The following SVIL variants were observed in gnomAD, a reference collection of about 807,000 sequenced individuals.
The protein encoded by SVIL is archvillin.
A neutral mutation model predicts 240.4 loss-of-function variants in SVIL; 101 were observed. The ratio of observed to expected loss-of-function variants is 0.42; its 90% CI spans 0.36 to 0.50. The LOEUF is 0.50. SVIL is among the 20% of genes least tolerant of loss of function. The pLI, the probability that SVIL is intolerant of heterozygous loss-of-function variation, is 0.01. For synonymous variants in SVIL, 999 were observed against 1,100.0 expected (o/e 0.91, Z 1.82); for missense variants, 2,512 against 2,818.7 (o/e 0.89, Z 2.46).
chr10:29,689,181 TA>T (rs1334653893), intron 1 of SVIL, among the ~76,000 whole-genome samples: 1 of 152,166 alleles, frequency 6.6e-6, no homozygotes, highest in Non-Finnish European at 1.5e-5. Context: ...CACAGATAAG[TA>T]AATTTATGCC....
At chr10:29,709,976 G>A (rs372026149) in intron 1 of SVIL, among the ~76,000 whole-genome samples, 36 of 152,246 alleles carry the variant, frequency 2.4e-4, no homozygotes, top group Admixed American at 1.4e-3. Context: ...TTGGGGGTGC[G>A]CGAGAGGCAG....
intron 1 of SVIL, among the ~76,000 whole-genome samples, chr10:29,579,510 T>C (rs2132758243): frequency 6.6e-6 from 1 of 152,312 alleles, no homozygotes; most frequent in East Asian, 1.9e-4. Context: ...GCAGTCCAAC[T>C]ATTGACAATG....
intron 1 of SVIL, among the ~76,000 whole-genome samples, chr10:29,588,439 C>T (rs1402676373): frequency 6.6e-6 from 1 of 152,072 alleles, no homozygotes; most frequent in African/African-American, 2.4e-5. Flanking sequence ...CAGCAGTGAA[C>T]ATACAGCACC....
intron 1 of SVIL, among the ~76,000 whole-genome samples, chr10:29,609,647 C>A (rs1957163680): frequency 2.6e-5 from 4 of 152,216 alleles, no homozygotes; most frequent in African/African-American, 4.8e-5. Flanking sequence ...CGGGCACCAC[C>A]ACATTCCCCT....
Position 29,532,032 on chromosome 10 carries a change from A to G in SVIL, c.1979T>C (p.Ile660Thr). Residue 660 changes from isoleucine to threonine, a missense_variant, in exon 9 of 38, where the codon ATA becomes ACA. By Grantham distance (89) the Ile-to-Thr change is moderately conservative. Transcript: ENST00000355867. ...KTSERFRTQP[I>T]TSAERKESDR... ...CGATTCCTTTCGTTCTGCTGAAGTT[A>G]TAGGTTGGGTTCTAAATCTCTCGGA... The G allele has an allele frequency of 2.5e-6, 4 of 1,614,154 alleles. No individual in the cohort carries two copies. The highest frequency in any genetic ancestry group is 3.4e-6 in the Non-Finnish European group (4 of 1,180,022).
At position 29,634,892 on chromosome 10, in the gene SVIL, C is replaced by T. The variant is rs1485034949; in HGVS notation, c.-673G>A. The T allele has an allele frequency of 2.0e-5, 3 of 152,144 alleles. No individual in the cohort carries two copies. The highest frequency in any genetic ancestry group is 7.2e-5 in the African/African-American group (3 of 41,418). 9.4% of individuals were successfully genotyped at this position (152,144 alleles called of 1,614,324 possible). On this transcript the variant is annotated 5_prime_UTR_variant, in exon 1 of 38. Transcript: ENST00000355867. The stretch of plus-strand genomic sequence containing the variant: ...AGGCTGAACTTCCCCAACCTGGCCT[C>T]GGTGGAGCCATCCATTACTGGGCAA...
chr10:29,536,409 TA>T (rs976661523), intron 6 of SVIL, among the ~76,000 whole-genome samples: 6 of 152,050 alleles, frequency 3.9e-5, no homozygotes, highest in African/African-American at 9.7e-5. Context: ...AATTAAAACT[TA>T]AAAAAATAAA....
chr10:29,646,797 ACAT>A (rs1958671325), intron 3 of SVIL, among the ~76,000 whole-genome samples: 1 of 152,188 alleles, frequency 6.6e-6, no homozygotes, highest in African/African-American at 2.4e-5. Flanking sequence ...CACGAGGCAA[ACAT>A]CAGAGAAGCA....
At chr10:29,480,064 G>C (rs1405505753) in intron 29 of SVIL, among the ~76,000 whole-genome samples, 1 of 152,226 alleles carries the variant, frequency 6.6e-6, no homozygotes, top group Non-Finnish European at 1.5e-5. Context: ...AGTCTCGGGA[G>C]AAACAGCCTC....
chr10:29,716,994 G>A (rs1365707840), intron 1 of SVIL, among the ~76,000 whole-genome samples: 1 of 152,176 alleles, frequency 6.6e-6, no homozygotes, highest in Non-Finnish European at 1.5e-5. Flanking sequence ...ACTTTGGGAG[G>A]CCAAGGCGGG....
intron 30 of SVIL, 22 bp from the exon 31 acceptor site, chr10:29,471,265 A>G: frequency 6.3e-7 from 1 of 1,591,924 alleles, no homozygotes; most frequent in Middle Eastern, 1.7e-4. Flanking sequence ...AACAGAGGTA[A>G]ATAGGTAAGG....
chr10:29,471,122 A>C lies in SVIL; in HGVS notation c.5635+16T>G, dbSNP rs780386591. ...GGGAAAGGCAAAGTCGAATTCCAGC[A>C]GTAAAAGTGACTTACTTTGCACATT... is the stretch of plus-strand genomic sequence containing the variant. On this transcript the variant is annotated intron_variant, in intron 31 of 37. Transcript: ENST00000355867. The C allele has an allele frequency of 6.2e-7, 1 of 1,607,778 alleles. No individual in the cohort carries two copies. Among genetic ancestry groups the C allele is most frequent in the Non-Finnish European group, 8.5e-7 (1 of 1,176,038 alleles).
intron 1 of SVIL, among the ~76,000 whole-genome samples, chr10:29,632,853 ACAC>A: frequency 6.6e-6 from 1 of 152,132 alleles, no homozygotes; most frequent in African/African-American, 2.4e-5. Context: ...ACACACACAC[ACAC>A]ACACACAGAG....
At chr10:29,625,868 TACA>T (rs1957844425) in intron 1 of SVIL, among the ~76,000 whole-genome samples, 1 of 152,228 alleles carries the variant, frequency 6.6e-6, no homozygotes, top group Non-Finnish European at 1.5e-5. Flanking sequence ...TACAAAGCCT[TACA>T]AGTGTCTCCT....
chr10:29,663,896 T>G (rs1959186625), intron 2 of SVIL, among the ~76,000 whole-genome samples: 1 of 152,154 alleles, frequency 6.6e-6, no homozygotes, highest in Non-Finnish European at 1.5e-5. Flanking sequence ...ACAGTCAAAA[T>G]AGCAACTGAC....
chr10:29,602,149 A>G (rs546559115), intron 1 of SVIL: 6 of 416,922 alleles, frequency 1.4e-5, no homozygotes, highest in African/African-American at 1.3e-4. Context: ...TGGCAACTCT[A>G]AACACCTACA....
chr10:29,473,593 T>A (rs373033730), intron 30 of SVIL: 2 of 559,344 alleles, frequency 3.6e-6, no homozygotes, highest in East Asian at 6.2e-5. Flanking sequence ...TCTGCACTTG[T>A]CATGTGGATT....
intron 3 of SVIL, 100 bp downstream of exon 3, chr10:29,563,101 C>A (rs1954662723): frequency 4.2e-6 from 1 of 238,012 alleles, no homozygotes; most frequent in Admixed American, 6.5e-5. Context: ...CGAAAGGAGA[C>A]TGTAAGCTGG....
At chr10:29,676,402 G>A (rs893642081) in intron 2 of SVIL, among the ~76,000 whole-genome samples, 12 of 150,488 alleles carry the variant, frequency 8.0e-5, no homozygotes, top group Non-Finnish European at 1.5e-4. Context: ...GTGCGCACAC[G>A]CACAATATAA....
Sources: gnomAD v4.1 joint callset for allele counts (sites outside exome capture counted in the v4.1 genomes callset) on GRCh38, gnomAD v4.1.1 for gene constraint, MANE v1.5 for transcripts, NCBI Gene and HGNC (gene_info 2026-07-23, HGNC 2026-07-21) for gene names.